Variants in C11orf65 observed in about 807,000 individuals in gnomAD.
C11orf65 encodes protein MFI.
A neutral mutation model predicts 35.3 loss-of-function variants in C11orf65; 38 were observed. The ratio of observed to expected loss-of-function variants is 1.08; its 90% CI spans 0.83 to 1.41. The LOEUF is 1.41. Ranked by LOEUF, C11orf65 falls within the 40% of genes most tolerant of loss-of-function variation. C11orf65 has a pLI of 0.00. For missense variants in C11orf65, 370 were observed against 367.1 expected, an observed-to-expected ratio of 1.01 and a Z score of -0.06; for synonymous variants, 105 against 114.4, an observed-to-expected ratio of 0.92 and a Z score of 0.53.
At chr11:108,317,307 TTTTTCTCTGG>T in intron 6 of C11orf65, 1 of 1,533,268 alleles carries the variant, frequency 6.5e-7, no homozygotes, top group Non-Finnish European at 9.0e-7. Flanking sequence ...CTTTGCTGTT[TTTTTCTCTGG>T]TTTTCTGTTG....
chr11:108,374,688 C>A (rs192500328), intron 2 of C11orf65, among the ~76,000 whole-genome samples: 1 of 151,998 alleles, frequency 6.6e-6, no homozygotes, highest in Non-Finnish European at 1.5e-5. Flanking sequence ...CAAACTACTC[C>A]GAGCTACAGG....
chr11:108,409,396 T>C (rs1019217240), intron 3 of C11orf65, among the ~76,000 whole-genome samples: 1 of 152,174 alleles, frequency 6.6e-6, no homozygotes, highest in African/African-American at 2.4e-5. Flanking sequence ...GAGGTATATA[T>C]GGTATGTAAG....
At chr11:108,387,424 CTG>C (rs1194967351) in intron 7 of C11orf65, among the ~76,000 whole-genome samples, 1 of 151,822 alleles carries the variant, frequency 6.6e-6, no homozygotes, top group East Asian at 1.9e-4. Flanking sequence ...CAAAGTGACA[CTG>C]TGATTTTCTA....
rs551555732 is a variant in C11orf65 at position 108,462,087 on chromosome 11, T to G, written c.-9-519A>C. Among the ~76,000 whole-genome samples the G allele has an allele frequency of 2.2e-4, 34 of 152,338 alleles. No homozygotes were observed. In the South Asian group the frequency reaches 7.0e-3, roughly 32 times the overall value. ...GAGACAGAGTCTTTCTCTGTTGCCTTGGCTAGAATGCCATGGCAGGATCAT... is the reference window on the plus strand; with the variant it reads ...GAGACAGAGTCTTTCTCTGTTGCCTGGGCTAGAATGCCATGGCAGGATCAT... On this transcript the variant is annotated intron_variant, in intron 1 of 8. Transcript: ENST00000393084.
intron 7 of C11orf65, among the ~76,000 whole-genome samples, 165 bp from the exon 8 acceptor site, chr11:108,386,140 C>T (rs2091995552): frequency 6.6e-6 from 1 of 152,190 alleles, no homozygotes; most frequent in African/African-American, 2.4e-5. Flanking sequence ...AGCTCACATC[C>T]AGCTAAGAAC....
chr11:108,466,679 A>G (rs1442326632), intron 1 of C11orf65, among the ~76,000 whole-genome samples: 4 of 152,250 alleles, frequency 2.6e-5, no homozygotes, highest in Non-Finnish European at 5.9e-5. Context: ...AGATTCACAG[A>G]TAAGTATTTT....
At chr11:108,326,889 G>A (rs2085732760), downstream of C11orf65, among the ~76,000 whole-genome samples, 1 of 152,070 alleles carries the variant, frequency 6.6e-6, no homozygotes, top group African/African-American at 2.4e-5. Context: ...GCAGTGGTAC[G>A]ACATCGGCTC....
intron 6 of C11orf65, among the ~76,000 whole-genome samples, chr11:108,401,051 G>C (rs1331521408): frequency 6.6e-6 from 1 of 152,100 alleles, no homozygotes; most frequent in African/African-American, 2.4e-5. Flanking sequence ...AGAGGTTGCA[G>C]TGAGCCGAGA....
At chr11:108,336,185 C>T (rs1363689179) in intron 2 of C11orf65, 1 of 444,482 alleles carries the variant, frequency 2.2e-6, no homozygotes, top group African/African-American at 2.0e-5. Flanking sequence ...TGCTTGTAGT[C>T]CCTTAGCTAC....
downstream of C11orf65, chr11:108,331,388 G>A (rs1004379378): frequency 6.3e-7 from 1 of 1,580,396 alleles, no homozygotes; most frequent in Non-Finnish European, 8.6e-7. Context: ...TTGCTTAGAT[G>A]TGAGAATATT....
upstream of C11orf65, chr11:108,467,588 G>T (rs539842987): frequency 1.3e-5 from 2 of 152,168 alleles, no homozygotes; most frequent in Admixed American, 6.5e-5. Flanking sequence ...TCTAGGCCCC[G>T]CCTTTCCTCT....
chr11:108,317,488 G>C, intron 6 of C11orf65: 1 of 1,611,322 alleles, frequency 6.2e-7, no homozygotes, highest in East Asian at 2.2e-5. Flanking sequence ...GCAGCATGGA[G>C]GAATATGCAG....
intron 1 of C11orf65, among the ~76,000 whole-genome samples, chr11:108,463,399 ATTG>A (rs1447832956): frequency 2.0e-5 from 3 of 152,114 alleles, no homozygotes; most frequent in Non-Finnish European, 4.4e-5. Flanking sequence ...AATTTGGTAA[ATTG>A]TTGTTTTTTA....
rs182291079 is a variant in C11orf65, at chr11:108,422,169, C to A, written c.174+9577G>T. 2.4e-3 allele frequency among the ~76,000 whole-genome samples: 363 copies of A among 152,194 alleles called. 2 individuals carry two copies. Among genetic ancestry groups the A allele is most frequent in the Non-Finnish European group, 2.3e-3 (156 of 67,988 alleles). On this transcript the variant is annotated intron_variant, in intron 3 of 8. Transcript: ENST00000393084. ...GGTCTCGAACTCCTGACCTCATGAT[C>A]CGCCCGACTCAGCCTCCCAAAGTGC...
chr11:108,403,651 T>C (rs1171665528), intron 6 of C11orf65, among the ~76,000 whole-genome samples: 3 of 152,192 alleles, frequency 2.0e-5, no homozygotes, highest in East Asian at 3.8e-4. Flanking sequence ...CTCTTATATT[T>C]AGATCTATAA....
At chr11:108,322,271 C>T (rs1372386386) in intron 6 of C11orf65, among the ~76,000 whole-genome samples, 1 of 152,176 alleles carries the variant, frequency 6.6e-6, no homozygotes, top group Non-Finnish European at 1.5e-5. Flanking sequence ...TCTCCTGCCT[C>T]AGCCTCCCGA....
At chr11:108,390,022 AT>A (rs2092114694) in intron 7 of C11orf65, among the ~76,000 whole-genome samples, 1 of 127,528 alleles carries the variant, frequency 7.8e-6, no homozygotes, top group African/African-American at 3.0e-5. Context: ...TTTATTTTTT[AT>A]TTATTTATAT....
intron 6 of C11orf65, among the ~76,000 whole-genome samples, chr11:108,309,907 G>C (rs2083999088): frequency 6.6e-6 from 1 of 152,112 alleles, no homozygotes; most frequent in Non-Finnish European, 1.5e-5. Context: ...TGTATCAGGT[G>C]ATAGTCTACA....
At chr11:108,314,448 T>C (rs1279286289) in intron 6 of C11orf65, among the ~76,000 whole-genome samples, 1 of 115,714 alleles carries the variant, frequency 8.6e-6, no homozygotes, top group South Asian at 3.3e-4. Flanking sequence ...TGGTTTTGTT[T>C]GTGTGATTTT....
Sources: gnomAD v4.1 joint callset for allele counts (sites outside exome capture counted in the v4.1 genomes callset) on GRCh38, gnomAD v4.1.1 for gene constraint, MANE v1.5 for transcripts, NCBI Gene and HGNC (gene_info 2026-07-23, HGNC 2026-07-21) for gene names.